Variants in LRRC4C observed in about 807,000 individuals in gnomAD.
LRRC4C encodes leucine-rich repeat-containing protein 4C.
In LRRC4C, 5 loss-of-function variants were observed where a neutral mutation model predicts 33.6. The observed-to-expected ratio is 0.15, with a 90% confidence interval of 0.08 to 0.31. The LOEUF (loss-of-function observed/expected upper bound fraction) is 0.31, where lower values mean the gene tolerates loss of function less well. LRRC4C is among the 10% of genes least tolerant of loss of function. The probability of loss-of-function intolerance (pLI) is 1.00; values close to 1 mark genes in which losing one functional copy is unlikely to be tolerated. For synonymous variants in LRRC4C, 329 were observed against 302.0 expected (o/e 1.09, Z -0.93); for missense variants, 560 against 796.7 (o/e 0.70, Z 3.58).
chr11:40,548,166 C>T (rs372968155), intron 3 of LRRC4C, among the ~76,000 whole-genome samples: 11 of 151,886 alleles, frequency 7.2e-5, no homozygotes, highest in South Asian at 4.1e-4. Context: ...AAATAAAAAT[C>T]GGAAATAAGT....
intron 5 of LRRC4C, among the ~76,000 whole-genome samples, chr11:40,148,658 T>A (rs922660283): frequency 6.6e-6 from 1 of 152,202 alleles, no homozygotes; most frequent in Non-Finnish European, 1.5e-5. Context: ...GGTAGTTTCT[T>A]TTGCTGTGCA....
chr11:41,453,359 T>A (rs1466779594), intron 1 of LRRC4C, among the ~76,000 whole-genome samples: 1 of 152,108 alleles, frequency 6.6e-6, no homozygotes, highest in African/African-American at 2.4e-5. Context: ...TAGGGACCCA[T>A]TGGTTCAGAG....
At chr11:40,916,801 A>G (rs1476982007) in intron 2 of LRRC4C, among the ~76,000 whole-genome samples, 3 of 151,970 alleles carry the variant, frequency 2.0e-5, no homozygotes, top group Non-Finnish European at 2.9e-5. Context: ...TTGGTCTTAG[A>G]GGGAGGGTAG....
At position 40,833,441 on chromosome 11, in the gene LRRC4C, T is replaced by A. The variant is rs1261633138; in HGVS notation, c.-407+100194A>T. ...AGTAAATATATCCAATATATTGTCA[T>A]TTTGAGTTGAAAACTAATATAAAAA... On this transcript the variant is annotated intron_variant, in intron 2 of 6. Transcript: ENST00000528697. Among the ~76,000 whole-genome samples the A allele has an allele frequency of 2.0e-5, 3 of 152,134 alleles. No homozygotes were observed. In the East Asian group the frequency reaches 5.8e-4, roughly 29 times the overall value.
At chr11:40,241,752 A>G (rs1865938669) in intron 4 of LRRC4C, 154 bp from the exon 5 acceptor site, 1 of 152,226 alleles carries the variant, frequency 6.6e-6, no homozygotes, top group Non-Finnish European at 1.5e-5. Flanking sequence ...GGCACTTGGC[A>G]CTATTGATGT....
chr11:41,207,014 T>C (rs1946628073), intron 1 of LRRC4C, among the ~76,000 whole-genome samples: 1 of 152,162 alleles, frequency 6.6e-6, no homozygotes, highest in South Asian at 2.1e-4. Context: ...ATGTATAGAT[T>C]AGCAAAAAGT....
intron 3 of LRRC4C, among the ~76,000 whole-genome samples, chr11:40,613,232 C>G (rs1961415210): frequency 6.6e-6 from 1 of 151,832 alleles, no homozygotes; most frequent in Non-Finnish European, 1.5e-5. Context: ...ATACTTTGCC[C>G]ACAGAACTTA....
chr11:41,350,442 G>A (rs901774373), intron 1 of LRRC4C, among the ~76,000 whole-genome samples: 15 of 150,156 alleles, frequency 1.0e-4, no homozygotes, highest in Non-Finnish European at 1.9e-4. Flanking sequence ...CCTGGGAGGC[G>A]GAGCTTGCAG....
chr11:40,137,230 G>T (rs1474237429), intron 6 of LRRC4C, among the ~76,000 whole-genome samples: 2 of 151,892 alleles, frequency 1.3e-5, no homozygotes, highest in Non-Finnish European at 2.9e-5. Flanking sequence ...CAGTAATCTT[G>T]TCCTATCAGA....
intron 1 of LRRC4C, among the ~76,000 whole-genome samples, chr11:41,232,451 C>T (rs928056869): frequency 1.3e-5 from 2 of 151,990 alleles, no homozygotes; most frequent in Non-Finnish European, 2.9e-5. Context: ...CATTATCAAA[C>T]GTTCCCTGGG....
chr11:40,261,168 G>C (rs185861676), intron 4 of LRRC4C, among the ~76,000 whole-genome samples: 1 of 152,066 alleles, frequency 6.6e-6, no homozygotes, highest in African/African-American at 2.4e-5. Flanking sequence ...GATTATAGGC[G>C]TGAGTCACCT....
chr11:40,223,169 AT>A (rs1342536701), intron 5 of LRRC4C, among the ~76,000 whole-genome samples: 2 of 152,158 alleles, frequency 1.3e-5, no homozygotes, highest in African/African-American at 4.8e-5. Flanking sequence ...ATCATGATAT[AT>A]TTCCCTGAGT....
chr11:40,474,322 G>A lies in LRRC4C; in HGVS notation c.-269-154601C>T, dbSNP rs551047332. 2.6e-5 allele frequency among the ~76,000 whole-genome samples: 4 copies of A among 152,236 alleles called. No homozygotes were observed. In the South Asian group the frequency reaches 8.3e-4, roughly 32 times the overall value. On this transcript the variant is annotated intron_variant, in intron 3 of 6. Coordinates refer to ENST00000528697, the MANE Select transcript of LRRC4C (RefSeq NM_001258419.2). The stretch of plus-strand genomic sequence containing the variant: ...TCTTTGACAAACATGACAAAAACAA[G>A]CAATGGGGAAAAGATTCCCTATTTA...
chr11:40,441,764 T>G (rs1473529632), intron 3 of LRRC4C, among the ~76,000 whole-genome samples: 1 of 152,220 alleles, frequency 6.6e-6, no homozygotes, highest in African/African-American at 2.4e-5. Flanking sequence ...GTGAAGATCA[T>G]GTAAGACAAT....
In LRRC4C at chr11:40,253,423, T is replaced by C. The variant is rs116596907; in HGVS notation, c.-175-11825A>G. Among the ~76,000 whole-genome samples, 473 of 152,286 alleles carry C rather than the reference T, an allele frequency of 3.1e-3. 1 individual carries two copies. The highest frequency in any genetic ancestry group is 0.011 in the African/African-American group (457 of 41,564). On this transcript the variant is annotated intron_variant, in intron 4 of 6. Coordinates refer to ENST00000528697, the MANE Select transcript of LRRC4C (RefSeq NM_001258419.2). ...GGTATAAAAACAGACAGATCTTGTT[T>C]TGAATGCCACATATGATACTTTTTA... is the stretch of plus-strand genomic sequence containing the variant.
At chr11:41,341,091 A>G (rs1440629670) in intron 1 of LRRC4C, among the ~76,000 whole-genome samples, 1 of 151,694 alleles carries the variant, frequency 6.6e-6, no homozygotes, top group Non-Finnish European at 1.5e-5. Flanking sequence ...AGCTTTACCT[A>G]TATGTGAAAG....
chr11:40,443,397 A>G (rs1248145398), intron 3 of LRRC4C, among the ~76,000 whole-genome samples: 1 of 152,220 alleles, frequency 6.6e-6, no homozygotes, highest in East Asian at 1.9e-4. Context: ...GGACTTTTGA[A>G]TTACCAAATT....
At chr11:41,391,459 G>GA (rs943592740) in intron 1 of LRRC4C, among the ~76,000 whole-genome samples, 5 of 151,614 alleles carry the variant, frequency 3.3e-5, no homozygotes, top group East Asian at 1.9e-4. Context: ...GGGAATACAG[G>GA]AAAAAAAATG....
chr11:40,634,986 T>G (rs1427625416), intron 3 of LRRC4C, among the ~76,000 whole-genome samples: 1 of 148,610 alleles, frequency 6.7e-6, no homozygotes, highest in Non-Finnish European at 1.5e-5. Context: ...TGATCTCACT[T>G]TAGGAAATTT....
Sources: gnomAD v4.1 joint callset for allele counts (sites outside exome capture counted in the v4.1 genomes callset) on GRCh38, gnomAD v4.1.1 for gene constraint, MANE v1.5 for transcripts, NCBI Gene and HGNC (gene_info 2026-07-23, HGNC 2026-07-21) for gene names.